The following TMTC2 variants were observed in gnomAD, a reference collection of about 807,000 sequenced individuals.
TMTC2 encodes the protein protein O-mannosyl-transferase TMTC2.
TMTC2 carries 43 observed loss-of-function variants against 82.4 expected under a neutral mutation model. The ratio of observed to expected loss-of-function variants is 0.52; its 90% CI spans 0.41 to 0.67. TMTC2 has a LOEUF of 0.67. Ranked by LOEUF, TMTC2 falls within the 30% of genes least tolerant of loss-of-function variation. The pLI, the probability that TMTC2 is intolerant of heterozygous loss-of-function variation, is 0.00. For missense variants in TMTC2, 919 were observed against 1,012.4 expected, an observed-to-expected ratio of 0.91 and a Z score of 1.25; for synonymous variants, 408 against 381.9, an observed-to-expected ratio of 1.07 and a Z score of -0.80.
intron 4 of TMTC2, among the ~76,000 whole-genome samples, chr12:82,936,624 C>T (rs1592640116): frequency 6.6e-6 from 1 of 152,010 alleles, no homozygotes; most frequent in Admixed American, 6.6e-5. Context: ...TTTAAGAAGT[C>T]AGAGGATGAA....
intron 2 of TMTC2, among the ~76,000 whole-genome samples, chr12:82,884,145 A>G (rs1872972159): frequency 6.6e-6 from 1 of 152,150 alleles, no homozygotes; most frequent in Non-Finnish European, 1.5e-5. Context: ...TTCAGTTTCT[A>G]ATAGTTAGCT....
chr12:82,692,818 T>C (rs1471427215), intron 1 of TMTC2, among the ~76,000 whole-genome samples: 1 of 152,212 alleles, frequency 6.6e-6, no homozygotes, highest in East Asian at 1.9e-4. Context: ...AGCTCAGTTT[T>C]TTAAAAAAGT....
Position 82,687,552 on chromosome 12 carries a change from G to T in TMTC2, c.-35G>T. On this transcript the variant is annotated 5_prime_UTR_variant, in exon 1 of 12. Coordinates refer to ENST00000321196, the MANE Select transcript of TMTC2 (RefSeq NM_152588.3). ...TTTTTGTTGCCGCTGCTGCCCTCGCGCTGGGAGCCGAGCCGGAGGGAAGGC... is the reference window on the plus strand; with the variant it reads ...TTTTTGTTGCCGCTGCTGCCCTCGCTCTGGGAGCCGAGCCGGAGGGAAGGC... The T allele has an allele frequency of 6.3e-7, 1 of 1,578,392 alleles. No individual in the cohort carries two copies. The highest frequency in any genetic ancestry group is 8.6e-7 in the Non-Finnish European group (1 of 1,162,668).
chr12:82,703,185 A>G (rs1247787801), intron 1 of TMTC2, among the ~76,000 whole-genome samples: 1 of 152,194 alleles, frequency 6.6e-6, no homozygotes, highest in Non-Finnish European at 1.5e-5. Flanking sequence ...CTGGGCCAAC[A>G]GAGTGAGGTC....
intron 1 of TMTC2, among the ~76,000 whole-genome samples, chr12:82,824,145 C>G (rs1236489673): frequency 6.6e-6 from 1 of 152,186 alleles, no homozygotes; most frequent in African/African-American, 2.4e-5. Flanking sequence ...CCACCCTCCT[C>G]GGCCTCCCAA....
chr12:82,972,807 A>G (rs1878508478), intron 7 of TMTC2, among the ~76,000 whole-genome samples: 1 of 152,208 alleles, frequency 6.6e-6, no homozygotes, highest in South Asian at 2.1e-4. Context: ...CAGAAGGAGC[A>G]TAAAGGAAGT....
intron 1 of TMTC2, among the ~76,000 whole-genome samples, chr12:82,723,008 T>G (rs554780840): frequency 2.0e-5 from 3 of 152,320 alleles, no homozygotes; most frequent in South Asian, 4.1e-4. Flanking sequence ...AAAACTGTAG[T>G]TTTTTCATGG....
chr12:82,970,370 GCGGGA>G (rs1305307263), intron 7 of TMTC2, among the ~76,000 whole-genome samples: 484 of 152,304 alleles, frequency 3.2e-3, no homozygotes, highest in African/African-American at 0.01. Flanking sequence ...TGTCGCCCAG[GCGGGA>G]CTGCGGACTG....
intron 11 of TMTC2, among the ~76,000 whole-genome samples, chr12:83,071,908 T>C (rs1269971346): frequency 6.6e-6 from 1 of 152,246 alleles, no homozygotes; most frequent in Non-Finnish European, 1.5e-5. Context: ...CTTTTCTTGG[T>C]TAATCTTGCT....
chr12:82,722,138 C>T (rs1874233459), intron 1 of TMTC2, among the ~76,000 whole-genome samples: 1 of 152,158 alleles, frequency 6.6e-6, no homozygotes, highest in African/African-American at 2.4e-5. Context: ...ATGAATTATG[C>T]ATCAGCTTTT....
At chr12:83,081,808 G>A (rs571712008) in intron 11 of TMTC2, among the ~76,000 whole-genome samples, 2 of 152,104 alleles carry the variant, frequency 1.3e-5, no homozygotes, top group East Asian at 3.9e-4. Flanking sequence ...GGAGGCCGAG[G>A]CAGGAGCATC....
chr12:83,030,706 C>G (rs1246440833), intron 8 of TMTC2, 92 bp from the exon 9 acceptor site: 1 of 970,876 alleles, frequency 1.0e-6, no homozygotes, highest in Non-Finnish European at 1.6e-6. Flanking sequence ...TGATGATTAC[C>G]AAGTAGACAT....
At chr12:82,763,423 C>T (rs1449972013) in intron 1 of TMTC2, among the ~76,000 whole-genome samples, 5 of 152,228 alleles carry the variant, frequency 3.3e-5, no homozygotes, top group Non-Finnish European at 7.3e-5. Flanking sequence ...CTATCCAGGA[C>T]TGTCCACTTA....
chr12:83,046,128 T>C (rs1273750993), intron 9 of TMTC2, among the ~76,000 whole-genome samples: 4 of 152,130 alleles, frequency 2.6e-5, no homozygotes, highest in Non-Finnish European at 5.9e-5. Context: ...CTTATCCCCC[T>C]CTGTCGAATT....
chr12:83,110,287 T>A (rs1363531630), intron 11 of TMTC2, among the ~76,000 whole-genome samples: 5 of 152,228 alleles, frequency 3.3e-5, no homozygotes, highest in Non-Finnish European at 5.9e-5. Flanking sequence ...GCAGTTACAC[T>A]TCCTCTCTTT....
intron 7 of TMTC2, among the ~76,000 whole-genome samples, chr12:82,969,428 T>C (rs926331030): frequency 1.3e-5 from 2 of 152,168 alleles, no homozygotes; most frequent in African/African-American, 4.8e-5. Context: ...TTTTCTTTTG[T>C]TTAGAGGTTA....
chr12:82,894,884 G>A (rs778433060), intron 2 of TMTC2, among the ~76,000 whole-genome samples: 3 of 151,448 alleles, frequency 2.0e-5, no homozygotes, highest in Non-Finnish European at 2.9e-5. Context: ...ACTGCAACAT[G>A]TTTCTCCTAG....
intron 11 of TMTC2, among the ~76,000 whole-genome samples, chr12:83,065,868 T>C (rs1400951931): frequency 6.6e-6 from 1 of 152,036 alleles, no homozygotes; most frequent in Non-Finnish European, 1.5e-5. Context: ...ATTTGCATAC[T>C]ACAAAGTCAC....
At chr12:82,857,938 G>A (rs1871342823) in intron 2 of TMTC2, among the ~76,000 whole-genome samples, 1 of 152,070 alleles carries the variant, frequency 6.6e-6, no homozygotes, top group Non-Finnish European at 1.5e-5. Context: ...AAAATAACAC[G>A]GCTGATAATA....
Sources: allele counts gnomAD v4.1 joint callset (sites outside exome capture counted in the v4.1 genomes callset), GRCh38; gene constraint gnomAD v4.1.1; transcripts MANE v1.5; gene names NCBI Gene and HGNC (gene_info 2026-07-23, HGNC 2026-07-21).